Variants in TES observed in about 807,000 individuals in gnomAD.
The protein encoded by TES is testin.
In TES, 41 loss-of-function variants were observed where a neutral mutation model predicts 48.2. That is an observed-to-expected ratio of 0.85 (90% CI 0.66 to 1.10). The LOEUF (loss-of-function observed/expected upper bound fraction) is 1.10. TES is among the 50% of genes least tolerant of loss of function. TES has a pLI of 0.00. For missense variants in TES, 463 were observed against 515.1 expected, an observed-to-expected ratio of 0.90 and a Z score of 0.98; for synonymous variants, 162 against 174.9, an observed-to-expected ratio of 0.93 and a Z score of 0.58.
chr7:116,244,533 C>A (rs960013679), intron 2 of TES, among the ~76,000 whole-genome samples: 2 of 152,266 alleles, frequency 1.3e-5, no homozygotes, highest in African/African-American at 2.4e-5. Flanking sequence ...TTGGGCAACT[C>A]CGCCCCTGTG....
chr7:116,238,616 T>TTATTA (rs766170427), intron 2 of TES, among the ~76,000 whole-genome samples: 13,508 of 92,614 alleles, frequency 0.15, 737 homozygotes, highest in East Asian at 0.27. Flanking sequence ...TATTATTATT[T>TTATTA]TTGAGATGGG....
chr7:116,231,339 A>G (rs545726203), intron 1 of TES, among the ~76,000 whole-genome samples: 1 of 152,344 alleles, frequency 6.6e-6, no homozygotes, highest in South Asian at 2.1e-4. Flanking sequence ...TTAAGAATAT[A>G]TTGATGAAAA....
chr7:116,257,489 G>A lies in TES; in HGVS notation c.*7G>A, dbSNP rs776219311. On this transcript the variant is annotated 3_prime_UTR_variant, in exon 7 of 7. Coordinates refer to ENST00000358204, the MANE Select transcript of TES (RefSeq NM_015641.4). ...TAAGAAGAGGATGTCTTAGGAGGAG[G>A]GCACCCAGAAGTATCGAGCCATAGC... 10 of 1,596,656 alleles carry A rather than the reference G, an allele frequency of 6.3e-6. No homozygotes were observed. Among genetic ancestry groups the A allele is most frequent in the Non-Finnish European group, 6.8e-6 (8 of 1,170,722 alleles).
chr7:116,253,170 CAT>C (rs1800043818), intron 6 of TES, among the ~76,000 whole-genome samples: 1 of 152,188 alleles, frequency 6.6e-6, no homozygotes, highest in Non-Finnish European at 1.5e-5. Context: ...CAGCAAAACA[CAT>C]ATGTGTTAAT....
At chr7:116,229,002 ATATATAT>A (rs1799660563) in intron 1 of TES, among the ~76,000 whole-genome samples, 1 of 4,334 alleles carries the variant, frequency 2.3e-4, no homozygotes, top group East Asian at 4.1e-3. Flanking sequence ...CTATAACTAT[ATATATAT>A]ATATATATAT....
At chr7:116,233,924 A>C (rs1226020389) in intron 1 of TES, among the ~76,000 whole-genome samples, 2 of 152,176 alleles carry the variant, frequency 1.3e-5, no homozygotes, top group Admixed American at 6.5e-5. Flanking sequence ...ATGAGGGTGG[A>C]GCCCTCATTG....
intron 2 of TES, chr7:116,239,349 A>G (rs1381921606): frequency 6.6e-6 from 1 of 152,236 alleles, no homozygotes; most frequent in African/African-American, 2.4e-5. Flanking sequence ...TAACATAATC[A>G]TGAAAGTAAC....
chr7:116,229,208 C>T (rs903136862), intron 1 of TES, among the ~76,000 whole-genome samples: 14 of 151,842 alleles, frequency 9.2e-5, no homozygotes, highest in Admixed American at 9.2e-4. Context: ...CTCTCTCGCA[C>T]CCTGGGCATC....
At position 116,251,872 on chromosome 7, in the gene TES, A is replaced by G. The variant is rs199551905; in HGVS notation, c.815A>G (p.His272Arg). Reference sequence around the variant, plus strand: ...GCTTGTTTTGTCTGCAGCACCTGCCATGAACTCCTGGTTGACATGATTTAT... The same window carrying G: ...GCTTGTTTTGTCTGCAGCACCTGCCGTGAACTCCTGGTTGACATGATTTAT... The part of the protein sequence containing the change: ...HPACFVCSTC[H>R]ELLVDMIYFW... The change falls in exon 5 of 7, where the codon CAT (histidine) becomes CGT (arginine). Residue 272 changes from histidine to arginine, a missense_variant. Transcript: ENST00000358204. 1.9e-6 allele frequency: 3 copies of G among 1,614,170 alleles called. No homozygotes were observed. The highest frequency in any genetic ancestry group is 2.5e-6 in the Non-Finnish European group (3 of 1,180,034).
chr7:116,214,263 A>G (rs1261413580), intron 1 of TES, among the ~76,000 whole-genome samples: 1 of 152,210 alleles, frequency 6.6e-6, no homozygotes, highest in Non-Finnish European at 1.5e-5. Context: ...TAGCCAAAAA[A>G]GCATAGTGAA....
chr7:116,233,782 G>A (rs1388409882), intron 1 of TES, among the ~76,000 whole-genome samples: 2 of 152,152 alleles, frequency 1.3e-5, no homozygotes, highest in African/African-American at 4.8e-5. Flanking sequence ...TCAAGGCACT[G>A]GCAGACTCAG....
At chr7:116,213,425 A>G (rs930931085) in intron 1 of TES, among the ~76,000 whole-genome samples, 2 of 152,240 alleles carry the variant, frequency 1.3e-5, no homozygotes, top group Non-Finnish European at 2.9e-5. Flanking sequence ...TTCATGAGGA[A>G]TTTCTTCCAG....
chr7:116,210,634 G>A lies in TES; in HGVS notation c.-74G>A. ...TCCGCAGGTTTCCCGTGTTCGCAGC[G>A]GAGCCGGAGGCCAGCTGAACCCGGC... On this transcript the variant is annotated 5_prime_UTR_variant, in exon 1 of 7. Transcript: ENST00000358204. The A allele has an allele frequency of 1.6e-6, 2 of 1,283,148 alleles. No homozygotes were observed. The highest frequency in any genetic ancestry group is 1.6e-5 in the African/African-American group (1 of 64,454). 79.5% of individuals were successfully genotyped at this position (1,283,148 alleles called of 1,614,324 possible). A position where few individuals can be genotyped will look rare whatever the true frequency, so the allele number is the denominator to read the frequency against.
At chr7:116,242,527 C>G (rs1035649327) in intron 2 of TES, among the ~76,000 whole-genome samples, 2 of 93,922 alleles carry the variant, frequency 2.1e-5, no homozygotes, top group East Asian at 6.2e-4. Context: ...CTCTCTCTCT[C>G]TCTCTCTCTC....
At chr7:116,254,740 C>CAA (rs72573276) in intron 6 of TES, among the ~76,000 whole-genome samples, 7 of 139,684 alleles carry the variant, frequency 5.0e-5, no homozygotes, top group Admixed American at 2.9e-4. Flanking sequence ...CACTCCGTCT[C>CAA]AAAAAAAATA....
chr7:116,245,321 C>G (rs955214672), intron 2 of TES, among the ~76,000 whole-genome samples: 1 of 152,124 alleles, frequency 6.6e-6, no homozygotes, highest in African/African-American at 2.4e-5. Context: ...TCATCTCTCT[C>G]AAGTTCAAAG....
intron 6 of TES, among the ~76,000 whole-genome samples, chr7:116,255,709 G>A (rs149965819): frequency 6.6e-6 from 1 of 152,220 alleles, no homozygotes; most frequent in Admixed American, 6.5e-5. Context: ...AACACACGGT[G>A]TATTTTACAA....
intron 6 of TES, among the ~76,000 whole-genome samples, chr7:116,253,762 A>G (rs1394178785): frequency 2.0e-5 from 3 of 152,000 alleles, no homozygotes; most frequent in Non-Finnish European, 4.4e-5. Flanking sequence ...TTTAGGTTTA[A>G]CTTTTTTTCG....
intron 6 of TES, among the ~76,000 whole-genome samples, chr7:116,253,718 G>C (rs545193494): frequency 6.6e-6 from 1 of 152,076 alleles, no homozygotes; most frequent in East Asian, 1.9e-4. Context: ...TGTTTTACCT[G>C]ACTGTACCTA....
Sources: gnomAD v4.1 joint callset for allele counts (sites outside exome capture counted in the v4.1 genomes callset) on GRCh38, gnomAD v4.1.1 for gene constraint, MANE v1.5 for transcripts, NCBI Gene and HGNC (gene_info 2026-07-23, HGNC 2026-07-21) for gene names.